ROBO2: variants seen among roughly 807,000 people sequenced by gnomAD.
ROBO2 encodes the protein roundabout guidance receptor 2.
A neutral mutation model predicts 160.8 loss-of-function variants in ROBO2; 53 were observed. That is an observed-to-expected ratio of 0.33 (90% CI 0.26 to 0.41). The LOEUF (loss-of-function observed/expected upper bound fraction) is 0.41. Ranked by LOEUF, ROBO2 falls within the 10% of genes least tolerant of loss-of-function variation. The pLI is 1.00. For synonymous variants in ROBO2, 664 were observed against 611.7 expected, an observed-to-expected ratio of 1.09 and a Z score of -1.26; for missense variants, 1,577 against 1,722.4, an observed-to-expected ratio of 0.92 and a Z score of 1.49.
chr3:76,015,356 G>A (rs1292243370), intron 2 of ROBO2, among the ~76,000 whole-genome samples: 2 of 151,916 alleles, frequency 1.3e-5, no homozygotes, highest in Non-Finnish European at 2.9e-5. Context: ...TTGAGAGTTC[G>A]CAATGATGTT....
intron 2 of ROBO2, among the ~76,000 whole-genome samples, chr3:77,321,177 G>T (rs780496463): frequency 5.3e-5 from 8 of 152,034 alleles, no homozygotes; most frequent in Non-Finnish European, 1.2e-4. Flanking sequence ...ATAAAGTATC[G>T]CATAAATTTG....
intron 2 of ROBO2, among the ~76,000 whole-genome samples, chr3:77,378,804 G>A (rs1442093986): frequency 6.6e-6 from 1 of 152,078 alleles, no homozygotes; most frequent in Non-Finnish European, 1.5e-5. Flanking sequence ...AATTACTTCT[G>A]CATAGATGCC....
intron 2 of ROBO2, among the ~76,000 whole-genome samples, chr3:76,875,483 G>A (rs1459562909): frequency 2.0e-5 from 3 of 152,100 alleles, no homozygotes; most frequent in African/African-American, 7.2e-5. Context: ...AGTGCCAAAT[G>A]GGCTTTATGG....
chr3:76,467,507 A>G (rs2078425744), intron 2 of ROBO2, among the ~76,000 whole-genome samples: 1 of 152,128 alleles, frequency 6.6e-6, no homozygotes, highest in Admixed American at 6.6e-5. Flanking sequence ...CTTGATGTCA[A>G]GTCGGAACCA....
At chr3:77,178,404 A>T (rs1267169085) in intron 2 of ROBO2, among the ~76,000 whole-genome samples, 1 of 152,030 alleles carries the variant, frequency 6.6e-6, no homozygotes, top group East Asian at 1.9e-4. Context: ...TTAAAGGGAA[A>T]AAGTACTCTT....
At chr3:77,640,089 G>C (rs1023127958) in intron 24 of ROBO2, among the ~76,000 whole-genome samples, 1 of 135,610 alleles carries the variant, frequency 7.4e-6, no homozygotes, top group African/African-American at 2.7e-5. Flanking sequence ...AAACACTGCA[G>C]AGGAAGCATT....
chr3:77,194,363 A>G (rs1373485808), intron 2 of ROBO2, among the ~76,000 whole-genome samples: 3 of 152,320 alleles, frequency 2.0e-5, no homozygotes, highest in Middle Eastern at 3.4e-3. Flanking sequence ...CAAACTTAAC[A>G]TGGCTATTAG....
chr3:76,490,195 G>A (rs1445394763), intron 2 of ROBO2, among the ~76,000 whole-genome samples: 3 of 152,102 alleles, frequency 2.0e-5, no homozygotes, highest in Non-Finnish European at 2.9e-5. Flanking sequence ...TTTTCTCAGA[G>A]CTAAAGGATG....
intron 2 of ROBO2, among the ~76,000 whole-genome samples, chr3:76,756,777 A>C (rs7653813): frequency 6.6e-6 from 1 of 151,684 alleles, no homozygotes; most frequent in South Asian, 2.1e-4. Flanking sequence ...TTACGAGCAA[A>C]TCTGTCTACA....
In ROBO2 at chr3:77,266,677, G is replaced by A. The variant is rs541348339; in HGVS notation, c.388+168337G>A. Among the ~76,000 whole-genome samples, 64 of 152,132 alleles carry A rather than the reference G, an allele frequency of 4.2e-4. 1 individual carries two copies. Among genetic ancestry groups the A allele is most frequent in the South Asian group, 6.2e-4 (3 of 4,816 alleles). ...AAATCCCTGATCTACTAATTCTTGC[G>A]GTGTGATCTTGGGCAAATCCTTTAA... On this transcript the variant is annotated intron_variant, in intron 2 of 25. Transcript: ENST00000461745.
rs2089254789 is a variant in ROBO2, at chr3:76,622,281, A to AGAAG, written c.110-475730_110-475729insGGAA. ...AAGAAAGAAAGAAAGAAAGAAAGAA[A>AGAAG]GAAAGAAAGAAAGAAAGAAAGAAAG... is the stretch of plus-strand genomic sequence containing the variant. On this transcript the variant is annotated intron_variant, in intron 2 of 26. Coordinates refer to the ROBO2 transcript ENST00000487694. 1.5e-4 allele frequency among the ~76,000 whole-genome samples: 12 copies of AGAAG among 79,490 alleles called. No individual in the cohort carries two copies. The South Asian group carries it at 1.7e-3, about 11-fold the overall frequency. 52.1% of individuals were successfully genotyped at this position (79,490 alleles called of 152,430 possible).
intron 2 of ROBO2, among the ~76,000 whole-genome samples, chr3:76,005,179 A>G (rs1335504646): frequency 6.6e-6 from 1 of 152,218 alleles, no homozygotes; most frequent in African/African-American, 2.4e-5. Flanking sequence ...ATTCCATTAT[A>G]GCAGCACAGA....
chr3:76,338,344 C>T (rs1457707904), intron 2 of ROBO2, among the ~76,000 whole-genome samples: 1 of 152,118 alleles, frequency 6.6e-6, no homozygotes, highest in South Asian at 2.1e-4. Context: ...TACTTGCTCA[C>T]TTAAGTGATC....
intron 2 of ROBO2, among the ~76,000 whole-genome samples, chr3:76,944,735 A>G (rs1360515680): frequency 1.3e-5 from 2 of 152,188 alleles, no homozygotes; most frequent in Admixed American, 6.5e-5. Flanking sequence ...ATGGTTGACT[A>G]TGTATAGCAA....
chr3:75,929,339 T>C (rs970404161), intron 1 of ROBO2, among the ~76,000 whole-genome samples: 2 of 152,178 alleles, frequency 1.3e-5, no homozygotes, highest in African/African-American at 2.4e-5. Flanking sequence ...AATTTTTCTA[T>C]ACTTTTGTGT....
intron 2 of ROBO2, among the ~76,000 whole-genome samples, chr3:76,972,260 G>T (rs1419951324): frequency 6.6e-6 from 1 of 151,936 alleles, no homozygotes; most frequent in Admixed American, 6.6e-5. Flanking sequence ...TTTGTGTTTG[G>T]AACTGAGCCA....
At chr3:77,424,310 G>C (rs4459877) in intron 2 of ROBO2, among the ~76,000 whole-genome samples, 1 of 152,140 alleles carries the variant, frequency 6.6e-6, no homozygotes, top group African/African-American at 2.4e-5. Context: ...TATGAGTAAA[G>C]CATTGACAGA....
chr3:77,164,070 A>G (rs953086471), intron 2 of ROBO2, among the ~76,000 whole-genome samples: 1 of 152,156 alleles, frequency 6.6e-6, no homozygotes, highest in Non-Finnish European at 1.5e-5. Context: ...GAGATGCTAC[A>G]TGAATGTTGA....
intron 2 of ROBO2, among the ~76,000 whole-genome samples, chr3:76,696,298 GTAA>G (rs2107341930): frequency 6.6e-6 from 1 of 151,930 alleles, no homozygotes. Flanking sequence ...CAACAAAGAC[GTAA>G]TATTGCTGCC....
Sources: allele counts gnomAD v4.1 joint callset (sites outside exome capture counted in the v4.1 genomes callset), GRCh38; gene constraint gnomAD v4.1.1; transcripts MANE v1.5; gene names NCBI Gene and HGNC (gene_info 2026-07-23, HGNC 2026-07-21).